RAPGEF4: variants seen among roughly 807,000 people sequenced by gnomAD.
The protein encoded by RAPGEF4 is Rap guanine nucleotide exchange factor 4.
A neutral mutation model predicts 147.9 loss-of-function variants in RAPGEF4; 66 were observed. The ratio of observed to expected loss-of-function variants is 0.45; its 90% CI spans 0.37 to 0.55. The LOEUF is 0.55. Among genes scored for constraint, RAPGEF4 ranks in the 20% least tolerant of loss-of-function variants. The pLI, the probability that RAPGEF4 is intolerant of heterozygous loss-of-function variation, is 0.00. For synonymous variants in RAPGEF4, 419 were observed against 442.7 expected, an observed-to-expected ratio of 0.95 and a Z score of 0.67; for missense variants, 1,071 against 1,257.3, an observed-to-expected ratio of 0.85 and a Z score of 2.24.
intron 3 of RAPGEF4, among the ~76,000 whole-genome samples, chr2:172,798,650 T>TTTTTTTTTTTTTTTTTTTTTTTTTTG (rs1440840943): frequency 2.0e-5 from 3 of 152,184 alleles, no homozygotes; most frequent in African/African-American, 2.4e-5. Context: ...GGCTTTTTCA[T>TTTTTTTTTTTTTTTTTTTTTTTTTTG]AGGTAGCACA....
At chr2:172,970,182 C>CT (rs71018527) in intron 10 of RAPGEF4, among the ~76,000 whole-genome samples, 44,876 of 139,954 alleles carry the variant, frequency 0.32, 8,230 homozygotes, top group East Asian at 0.72. Flanking sequence ...CACACACACC[C>CT]TTTTTTTTTT....
chr2:172,846,520 T>C (rs1311017067), intron 4 of RAPGEF4, among the ~76,000 whole-genome samples: 1 of 152,182 alleles, frequency 6.6e-6, no homozygotes, highest in Non-Finnish European at 1.5e-5. Context: ...CTGTGAAGTC[T>C]AGGGGGTTGG....
At chr2:172,811,176 A>C (rs1177519568) in intron 3 of RAPGEF4, among the ~76,000 whole-genome samples, 3 of 152,100 alleles carry the variant, frequency 2.0e-5, no homozygotes, top group Non-Finnish European at 4.4e-5. Context: ...ACTGCCTAGC[A>C]CTCTGCCCTC....
chr2:172,795,013 C>A lies in RAPGEF4; in HGVS notation c.66-12C>A. On this transcript the variant is annotated splice_polypyrimidine_tract_variant and intron_variant, in intron 1 of 30. Coordinates refer to ENST00000397081, the MANE Select transcript of RAPGEF4 (RefSeq NM_007023.4). Reference sequence around the variant, plus strand: ...TACTGACATAGCTTTTGTGCCTTTTCTCCCTATACAGACCACTGGAGCGAT... The same window carrying A: ...TACTGACATAGCTTTTGTGCCTTTTATCCCTATACAGACCACTGGAGCGAT... The A allele has an allele frequency of 6.3e-7, 1 of 1,598,536 alleles. No homozygotes were observed. The highest frequency in any genetic ancestry group is 8.5e-7 in the Non-Finnish European group (1 of 1,172,794).
chr2:172,952,949 T>C (rs1411567985), intron 6 of RAPGEF4, among the ~76,000 whole-genome samples: 1 of 152,186 alleles, frequency 6.6e-6, no homozygotes, highest in Non-Finnish European at 1.5e-5. Context: ...GCGGAGAAAC[T>C]TGAACCATTT....
intron 4 of RAPGEF4, among the ~76,000 whole-genome samples, chr2:172,835,044 T>G (rs750365064): frequency 3.3e-5 from 5 of 152,138 alleles, no homozygotes; most frequent in Non-Finnish European, 7.4e-5. Flanking sequence ...CGTTACAGAG[T>G]TGCTCTAAGT....
At chr2:172,841,792 A>ACG (rs1691628531) in intron 4 of RAPGEF4, among the ~76,000 whole-genome samples, 1 of 36,064 alleles carries the variant, frequency 2.8e-5, no homozygotes, top group East Asian at 1.3e-3. Flanking sequence ...TGGCTGAATA[A>ACG]CACACACACA....
chr2:172,853,497 T>TTTTTAATG (rs1333135693), intron 4 of RAPGEF4, among the ~76,000 whole-genome samples: 2 of 151,976 alleles, frequency 1.3e-5, no homozygotes, highest in Non-Finnish European at 2.9e-5. Flanking sequence ...CTTTTGTTTA[T>TTTTTAATG]TTTTAATGTT....
intron 6 of RAPGEF4, among the ~76,000 whole-genome samples, chr2:172,923,969 T>A (rs1461880150): frequency 2.6e-5 from 4 of 151,662 alleles, no homozygotes; most frequent in South Asian, 2.1e-4. Context: ...TAAAAAACTT[T>A]AAAAAAAATC....
intron 18 of RAPGEF4, among the ~76,000 whole-genome samples, chr2:173,015,294 A>G (rs542561258): frequency 1.3e-5 from 2 of 152,342 alleles, no homozygotes; most frequent in Admixed American, 1.3e-4. Flanking sequence ...CCGTAGCTCT[A>G]GCCCCAAATT....
At chr2:172,963,856 G>A (rs1006899012) in intron 8 of RAPGEF4, among the ~76,000 whole-genome samples, 11 of 152,124 alleles carry the variant, frequency 7.2e-5, no homozygotes, top group African/African-American at 2.4e-4. Context: ...CTATACTAGC[G>A]GTCTGCTGTC....
chr2:172,988,481 A>T (rs1218815052), intron 13 of RAPGEF4, among the ~76,000 whole-genome samples: 1 of 152,232 alleles, frequency 6.6e-6, no homozygotes, highest in Non-Finnish European at 1.5e-5. Flanking sequence ...CTGATGGATT[A>T]TAGTGTGTAC....
chr2:172,864,867 T>C (rs1386843270), intron 4 of RAPGEF4, among the ~76,000 whole-genome samples: 1 of 152,258 alleles, frequency 6.6e-6, no homozygotes, highest in Non-Finnish European at 1.5e-5. Context: ...ATCATGCCAC[T>C]GTACTCTAGC....
In RAPGEF4 at chr2:173,003,855, A is replaced by C. The variant is rs184718768; in HGVS notation, c.1658+2511A>C. ...CACCTGCAAGCAACAGGGATGTATA[A>C]TGCAAACTTGAACAAGTGGTTTAAC... On this transcript the variant is annotated intron_variant, in intron 17 of 30. Coordinates refer to ENST00000397081, the MANE Select transcript of RAPGEF4 (RefSeq NM_007023.4). 3.3e-3 allele frequency among the ~76,000 whole-genome samples: 498 copies of C among 152,348 alleles called. 3 individuals are homozygous for C. The highest frequency in any genetic ancestry group is 0.012 in the African/African-American group (486 of 41,578).
intron 1 of RAPGEF4, among the ~76,000 whole-genome samples, chr2:172,742,049 C>T (rs759174898): frequency 3.3e-5 from 5 of 152,132 alleles, no homozygotes; most frequent in South Asian, 2.1e-4. Context: ...TATACCTTCA[C>T]GCGCTCCCCA....
intron 10 of RAPGEF4, among the ~76,000 whole-genome samples, chr2:172,969,971 A>G (rs1690279960): frequency 6.6e-6 from 1 of 152,216 alleles, no homozygotes; most frequent in African/African-American, 2.4e-5. Context: ...AAATATTCCA[A>G]GATACATGAT....
intron 4 of RAPGEF4, among the ~76,000 whole-genome samples, chr2:172,817,218 G>A (rs547097212): frequency 6.6e-6 from 1 of 152,086 alleles, no homozygotes; most frequent in Non-Finnish European, 1.5e-5. Context: ...TCTGCTCTCA[G>A]GCTAGGGGCT....
At chr2:172,976,052 A>C (rs896497928) in intron 10 of RAPGEF4, among the ~76,000 whole-genome samples, 1 of 152,206 alleles carries the variant, frequency 6.6e-6, no homozygotes, top group Non-Finnish European at 1.5e-5. Context: ...TTCATTTCTC[A>C]CAAGTATTCA....
intron 4 of RAPGEF4, among the ~76,000 whole-genome samples, chr2:172,845,500 G>A (rs1220778386): frequency 6.6e-6 from 1 of 151,986 alleles, no homozygotes; most frequent in Non-Finnish European, 1.5e-5. Context: ...ATAGAAGGCA[G>A]CAAAAAAATT....
Sources: gnomAD v4.1 joint callset for allele counts (sites outside exome capture counted in the v4.1 genomes callset) on GRCh38, gnomAD v4.1.1 for gene constraint, MANE v1.5 for transcripts, NCBI Gene and HGNC (gene_info 2026-07-23, HGNC 2026-07-21) for gene names.